The following CREB5 variants were observed in gnomAD, a reference collection of about 807,000 sequenced individuals.
CREB5 encodes cyclic AMP-responsive element-binding protein 5.
In CREB5, 19 loss-of-function variants were observed where a neutral mutation model predicts 57.1. That is an observed-to-expected ratio of 0.33 (90% confidence interval 0.23 to 0.49). The LOEUF (loss-of-function observed/expected upper bound fraction) is 0.49, where lower values mean the gene tolerates loss of function less well. CREB5 is among the 20% of genes least tolerant of loss of function. The pLI is 0.99. For synonymous variants in CREB5, 238 were observed against 238.3 expected, an observed-to-expected ratio of 1.00 and a Z score of 0.01; for missense variants, 579 against 671.6, an observed-to-expected ratio of 0.86 and a Z score of 1.52.
rs1805524594 is a variant in CREB5 at position 28,759,473 on chromosome 7, TG to T, written c.702+35144del. Among the ~76,000 whole-genome samples, 5 of 152,328 alleles carry T rather than the reference TG, an allele frequency of 3.3e-5. No homozygotes were observed. In the South Asian group the frequency reaches 1.0e-3, roughly 32 times the overall value. On this transcript the variant is annotated intron_variant, in intron 7 of 10. Coordinates refer to ENST00000357727, the MANE Select transcript of CREB5 (RefSeq NM_182898.4). ...CAGAGCAGATGTGCAGTGTTCTTTGTGGGTTTTACAGTAGATATGTGCAGTC... is the reference window on the plus strand; with the variant it reads ...CAGAGCAGATGTGCAGTGTTCTTTGTGGTTTTACAGTAGATATGTGCAGTC...
rs570134959 is a variant in CREB5, at chr7:28,674,720, T to C, written c.465-44033T>C. On this transcript the variant is annotated intron_variant, in intron 5 of 10. Coordinates refer to ENST00000357727, the MANE Select transcript of CREB5 (RefSeq NM_182898.4). ...TGGCACAAGCCTGTATCACTACTCATCCAGACTATTGCAAAATATCTTACC... is the reference window on the plus strand; with the variant it reads ...TGGCACAAGCCTGTATCACTACTCACCCAGACTATTGCAAAATATCTTACC... Among the ~76,000 whole-genome samples, 5 of 152,338 alleles carry C rather than the reference T, an allele frequency of 3.3e-5. No individual in the cohort carries two copies. In the South Asian group the frequency reaches 6.2e-4, roughly 19 times the overall value.
chr7:28,710,341 A>G (rs894471071), intron 5 of CREB5, among the ~76,000 whole-genome samples: 1 of 152,204 alleles, frequency 6.6e-6, no homozygotes, highest in African/African-American at 2.4e-5. Flanking sequence ...TTATGTTTTC[A>G]TTAATAAAAG....
rs1459229383 is a variant in CREB5, at chr7:28,560,807, C to CGTGTGTGT, written c.292-9557_292-9556insTGTGTGTG. Among the ~76,000 whole-genome samples, 40 of 15,102 alleles carry CGTGTGTGT rather than the reference C, an allele frequency of 2.6e-3. 2 individuals are homozygous for CGTGTGTGT. The highest frequency in any genetic ancestry group is 5.8e-3 in the Admixed American group (6 of 1,026). The allele number at this position is 15,102 out of a possible 152,430, so 9.9% of individuals were successfully genotyped here. A position where few individuals can be genotyped will look rare whatever the true frequency, so the allele number is the denominator to read the frequency against. On this transcript the variant is annotated intron_variant, in intron 4 of 10. Coordinates refer to ENST00000357727, the MANE Select transcript of CREB5 (RefSeq NM_182898.4). ...TTTCTCTGCTTCCACAGTGTGTGTG[C>CGTGTGTGT]GCGTGTGTGTGTGTGCGCGCGCGCG...
chr7:28,635,635 A>G (rs553875892), intron 5 of CREB5, among the ~76,000 whole-genome samples: 1 of 152,142 alleles, frequency 6.6e-6, no homozygotes, highest in East Asian at 1.9e-4. Flanking sequence ...TTCTTTCTTC[A>G]TATTTCTTGT....
At chr7:28,427,895 C>T (rs1326230285) in intron 1 of CREB5, among the ~76,000 whole-genome samples, 1 of 152,152 alleles carries the variant, frequency 6.6e-6, no homozygotes, top group Admixed American at 6.5e-5. Flanking sequence ...AGTTAGGACT[C>T]TTCCAGGTTC....
chr7:28,637,712 T>G (rs1583459148), intron 5 of CREB5, among the ~76,000 whole-genome samples: 2 of 152,322 alleles, frequency 1.3e-5, no homozygotes, highest in South Asian at 2.1e-4. Flanking sequence ...TTGCACTGCT[T>G]AGTCTGTGAA....
chr7:28,608,113 T>TCTCTCTCTCA (rs1484747649), intron 5 of CREB5, among the ~76,000 whole-genome samples: 1 of 143,178 alleles, frequency 7.0e-6, no homozygotes, highest in African/African-American at 2.7e-5. Context: ...TCTCTCTCTC[T>TCTCTCTCTCA]CACACACACT....
intron 1 of CREB5, among the ~76,000 whole-genome samples, chr7:28,448,047 T>C (rs1789576007): frequency 6.6e-6 from 1 of 152,182 alleles, no homozygotes. Context: ...GTCAGTGGGC[T>C]GGGGAAGGCA....
intron 5 of CREB5, among the ~76,000 whole-genome samples, chr7:28,695,101 C>A (rs983347098): frequency 1.3e-5 from 2 of 152,092 alleles, no homozygotes; most frequent in Non-Finnish European, 2.9e-5. Context: ...GTATCATGCA[C>A]CTGTGGTCCC....
In CREB5 at chr7:28,819,217, G is replaced by T. The variant is rs1243991499; in HGVS notation, c.1465G>T (p.Val489Leu). 6.2e-7 allele frequency: 1 copy of T among 1,613,786 alleles called. No homozygotes were observed. Among genetic ancestry groups the T allele is most frequent in the East Asian group, 2.2e-5 (1 of 44,880 alleles). ...TACTTCCTCATCGGTCAGCGAGGTG[G>T]TAGGAAGCTCCACCCTCAGCCAGCT... ...ITTSSSVSEVVGSSTLSQLTT... is the reference protein window; with the variant it reads ...ITTSSSVSEVLGSSTLSQLTT... Residue 489 changes from valine (V) to leucine (L), a missense_variant, in exon 11 of 11, where the codon GTA becomes TTA. Physicochemically the swap from Val to Leu is conservative, Grantham distance 32 (BLOSUM62 1). Coordinates refer to ENST00000357727, the MANE Select transcript of CREB5 (RefSeq NM_182898.4).
upstream of CREB5, chr7:28,410,742 A>G (rs904112251): frequency 8.3e-6 from 3 of 362,530 alleles, no homozygotes; most frequent in Non-Finnish European, 1.1e-5. Context: ...AAGACTGGAT[A>G]CAGGTCCATT....
intron 7 of CREB5, among the ~76,000 whole-genome samples, chr7:28,783,519 A>G (rs1490049198): frequency 6.6e-6 from 1 of 152,210 alleles, no homozygotes; most frequent in African/African-American, 2.4e-5. Context: ...AACCAAATGC[A>G]TGCATTATAA....
intron 1 of CREB5, among the ~76,000 whole-genome samples, chr7:28,395,895 T>G (rs1006665819): frequency 1.3e-5 from 2 of 152,100 alleles, no homozygotes; most frequent in Non-Finnish European, 2.9e-5. Flanking sequence ...AATTTGGGCT[T>G]GCTGAATGCA....
intron 4 of CREB5, among the ~76,000 whole-genome samples, chr7:28,551,649 A>G (rs1024055609): frequency 2.6e-5 from 4 of 152,150 alleles, no homozygotes; most frequent in Non-Finnish European, 5.9e-5. Context: ...GGAAAAAAGA[A>G]AGCTCTGAGT....
intron 1 of CREB5, among the ~76,000 whole-genome samples, chr7:28,402,393 G>A (rs1787486513): frequency 6.6e-6 from 1 of 152,174 alleles, no homozygotes; most frequent in Non-Finnish European, 1.5e-5. Flanking sequence ...AACAAAGCTG[G>A]AGGCATCACG....
intron 5 of CREB5, among the ~76,000 whole-genome samples, chr7:28,665,411 T>C (rs952657179): frequency 4.6e-5 from 7 of 152,192 alleles, no homozygotes; most frequent in African/African-American, 1.7e-4. Flanking sequence ...TGAGTCCAAA[T>C]TGCTAATAAA....
At chr7:28,307,920 GC>G (rs1230271204) in intron 1 of CREB5, among the ~76,000 whole-genome samples, 2 of 152,214 alleles carry the variant, frequency 1.3e-5, no homozygotes, top group Non-Finnish European at 2.9e-5. Flanking sequence ...CTTAAACGGA[GC>G]CCCTAATGAT....
At chr7:28,345,273 C>CTTTTTTTTTTTT (rs58373526) in intron 1 of CREB5, among the ~76,000 whole-genome samples, 1 of 148,558 alleles carries the variant, frequency 6.7e-6, no homozygotes, top group Non-Finnish European at 1.5e-5. Flanking sequence ...CAAAACAAGT[C>CTTTTTTTTTTTT]TTTTTTTTTT....
intron 1 of CREB5, among the ~76,000 whole-genome samples, chr7:28,300,444 G>C (rs986929679): frequency 3.9e-5 from 6 of 152,154 alleles, no homozygotes; most frequent in Non-Finnish European, 7.3e-5. Flanking sequence ...GTGTTGGGTG[G>C]ACAATAAACA....
Sources: gnomAD v4.1 joint callset for allele counts (sites outside exome capture counted in the v4.1 genomes callset) on GRCh38, gnomAD v4.1.1 for gene constraint, MANE v1.5 for transcripts, NCBI Gene and HGNC (gene_info 2026-07-23, HGNC 2026-07-21) for gene names.